NT5C2: variants seen among roughly 807,000 people sequenced by gnomAD.
NT5C2 encodes cytosolic purine 5'-nucleotidase.
NT5C2 carries 58 observed loss-of-function variants against 76.1 expected under a neutral mutation model. The observed-to-expected ratio is 0.76, with a 90% CI of 0.62 to 0.95. The LOEUF (loss-of-function observed/expected upper bound fraction) is 0.95. NT5C2 is among the 40% of genes least tolerant of loss of function. The pLI is 0.00. For missense variants in NT5C2, 478 were observed against 690.3 expected, an observed-to-expected ratio of 0.69 and a Z score of 3.45; for synonymous variants, 229 against 237.4, an observed-to-expected ratio of 0.96 and a Z score of 0.32.
chr10:103,106,546 A>T, intron 5 of NT5C2, 43 bp downstream of exon 5: 2 of 1,176,966 alleles, frequency 1.7e-6, no homozygotes, highest in Non-Finnish European at 2.6e-6. Context: ...TAAGGAAAGT[A>T]GTCTTAATCT....
intron 3 of NT5C2, among the ~76,000 whole-genome samples, chr10:103,148,569 A>C (rs1221141252): frequency 6.6e-6 from 1 of 150,784 alleles, no homozygotes; most frequent in East Asian, 2.0e-4. Flanking sequence ...GTGCCACTGC[A>C]CTCCAGCCTG....
intron 1 of NT5C2, among the ~76,000 whole-genome samples, chr10:103,187,136 G>C (rs542706662): frequency 2.0e-5 from 3 of 152,124 alleles, no homozygotes; most frequent in Admixed American, 2.0e-4. Context: ...TGTAATCCCA[G>C]CTACTAGGGA....
chr10:103,160,380 A>T (rs2084534398), intron 3 of NT5C2, among the ~76,000 whole-genome samples: 1 of 152,212 alleles, frequency 6.6e-6, no homozygotes, highest in Admixed American at 6.5e-5. Flanking sequence ...CGAAAAAAGA[A>T]AACATACATA....
rs1564646705 is a variant in NT5C2 at position 103,181,347 on chromosome 10, A to AT, written c.-168-20_-168-19insA. On this transcript the variant is annotated intron_variant, in intron 1 of 18. Transcript: ENST00000404739. Reference sequence around the variant, plus strand: ...CGAAACTCTGTCTCAAAAAAAAAAAAAATAATAATTCACAGGCAAAACATG... The same window carrying AT: ...CGAAACTCTGTCTCAAAAAAAAAAAATAATAATAATTCACAGGCAAAACATG... 6.6e-6 allele frequency: 1 copy of AT among 151,580 alleles called. No individual in the cohort carries two copies. The highest frequency in any genetic ancestry group is 2.4e-5 in the African/African-American group (1 of 41,192). 9.4% of individuals were successfully genotyped at this position (151,580 alleles called of 1,614,324 possible).
chr10:103,163,743 A>G (rs1276986932), intron 3 of NT5C2, among the ~76,000 whole-genome samples: 3 of 151,096 alleles, frequency 2.0e-5, no homozygotes, highest in African/African-American at 7.3e-5. Context: ...TGGGCCAGGC[A>G]TGGTGGCTCA....
chr10:103,146,583 G>T, intron 3 of NT5C2: 1 of 347,096 alleles, frequency 2.9e-6, no homozygotes, highest in Non-Finnish European at 4.1e-6. Flanking sequence ...ATGCTATAAT[G>T]TGGATTTTTT....
At chr10:103,177,216 GA>G (rs1183831855) in intron 2 of NT5C2, among the ~76,000 whole-genome samples, 1 of 152,078 alleles carries the variant, frequency 6.6e-6, no homozygotes, top group African/African-American at 2.4e-5. Flanking sequence ...TGGCAATAAA[GA>G]CTATGAACAA....
chr10:103,147,253 T>TAA (rs1344597331), intron 3 of NT5C2, among the ~76,000 whole-genome samples: 2 of 152,230 alleles, frequency 1.3e-5, no homozygotes, highest in East Asian at 1.9e-4. Flanking sequence ...TATTGGATCT[T>TAA]AAAGTTCAAA....
chr10:103,121,669 C>CTTCCCCGGTACTCTTAACAGCTTTA (rs1168112849), intron 4 of NT5C2, among the ~76,000 whole-genome samples: 2 of 152,178 alleles, frequency 1.3e-5, no homozygotes, highest in African/African-American at 2.4e-5. Context: ...CTCTTAATTT[C>CTTCCCCGGTACTCTTAACAGCTTTA]TTCCCCGGTA....
At chr10:103,173,527 G>A (rs926869178) in intron 3 of NT5C2, among the ~76,000 whole-genome samples, 3 of 149,010 alleles carry the variant, frequency 2.0e-5, no homozygotes, top group Non-Finnish European at 4.4e-5. Flanking sequence ...TGAGGCAGGA[G>A]AATGGCGTGG....
rs185197720 is a variant in NT5C2, at chr10:103,138,620, T to C, written c.175+786A>G. Among the ~76,000 whole-genome samples, 53 of 152,344 alleles carry C rather than the reference T, an allele frequency of 3.5e-4. 1 individual carries two copies. The East Asian group carries it at 5.2e-3, about 15-fold the overall frequency. ...TGCAAAAGGCACAAACTCATTCCTTTATGTGGCTGCAGCTCTAGTTTTTAA... is the reference window on the plus strand; with the variant it reads ...TGCAAAAGGCACAAACTCATTCCTTCATGTGGCTGCAGCTCTAGTTTTTAA... On this transcript the variant is annotated intron_variant, in intron 4 of 18. Coordinates refer to ENST00000404739, the MANE Select transcript of NT5C2 (RefSeq NM_001351169.2).
At chr10:103,173,723 A>G (rs1195991262) in intron 3 of NT5C2, among the ~76,000 whole-genome samples, 2 of 151,542 alleles carry the variant, frequency 1.3e-5, no homozygotes, top group African/African-American at 2.4e-5. Context: ...TCTGGAGTTC[A>G]AAACCAGCCT....
At chr10:103,138,546 C>T (rs2136256377) in intron 4 of NT5C2, among the ~76,000 whole-genome samples, 1 of 152,206 alleles carries the variant, frequency 6.6e-6, no homozygotes, top group South Asian at 2.1e-4. Context: ...CTTTTTGGTT[C>T]CTGTGTTAGT....
intron 18 of NT5C2, chr10:103,090,162 T>C (rs898073443): frequency 1.9e-5 from 8 of 419,854 alleles, no homozygotes; most frequent in African/African-American, 1.4e-4. Context: ...GTTTACTTTC[T>C]ATTTTACAGC....
chr10:103,095,473 G>A (rs541586952), intron 12 of NT5C2, among the ~76,000 whole-genome samples: 63 of 152,328 alleles, frequency 4.1e-4, no homozygotes, highest in African/African-American at 1.5e-3. Context: ...CTGCAGAAAT[G>A]AAGACTTCTC....
intron 1 of NT5C2, among the ~76,000 whole-genome samples, chr10:103,189,063 G>T (rs2092387123): frequency 6.6e-6 from 1 of 151,472 alleles, no homozygotes; most frequent in Non-Finnish European, 1.5e-5. Flanking sequence ...GGAAAGAGAA[G>T]ACTGAAATCT....
intron 1 of NT5C2, among the ~76,000 whole-genome samples, chr10:103,184,975 T>C (rs1359689539): frequency 2.0e-5 from 3 of 150,372 alleles, no homozygotes; most frequent in Non-Finnish European, 4.4e-5. Flanking sequence ...ATTTATTTCA[T>C]CTGTTCCTAA....
chr10:103,140,379 C>T (rs1030444437), intron 3 of NT5C2, among the ~76,000 whole-genome samples: 1 of 152,098 alleles, frequency 6.6e-6, no homozygotes, highest in Non-Finnish European at 1.5e-5. Flanking sequence ...GTAGAATCTC[C>T]TTTTTTAAGG....
chr10:103,183,291 A>ATATATAATATATATATATATATC (rs1554841794), intron 1 of NT5C2, among the ~76,000 whole-genome samples: 1 of 128,146 alleles, frequency 7.8e-6, no homozygotes, highest in South Asian at 2.5e-4. Context: ...ATATATATAT[A>ATATATAATATATATATATATATC]TATCACACAC....
Sources: gnomAD v4.1 joint callset for allele counts (sites outside exome capture counted in the v4.1 genomes callset) on GRCh38, gnomAD v4.1.1 for gene constraint, MANE v1.5 for transcripts, NCBI Gene and HGNC (gene_info 2026-07-23, HGNC 2026-07-21) for gene names.